Variants in HSPB9 observed in about 807,000 individuals in gnomAD.
HSPB9 encodes heat shock protein beta-9.
For missense variants in HSPB9, 203 were observed against 213.4 expected, an observed-to-expected ratio of 0.95 and a Z score of 0.30; for synonymous variants, 98 against 92.7, an observed-to-expected ratio of 1.06 and a Z score of -0.33.
Position 42,122,939 on chromosome 17 carries a change from C to G in HSPB9, c.89C>G (p.Ala30Gly), listed in dbSNP as rs782681293. 6.2e-7 allele frequency: 1 copy of G among 1,614,036 alleles called. No individual in the cohort carries two copies. The highest frequency in any genetic ancestry group is 8.5e-7 in the Non-Finnish European group (1 of 1,180,036). ...SVGLAERNRV[A>G]TMPVRLLRDS... ...GGCCTTGCTGAACGGAACCGGGTGG[C>G]CACAATGCCGGTGCGGCTGCTCAGG... Residue 30 changes from alanine (A) to glycine (G), a missense_variant, in exon 1 of 1, where the codon GCC (alanine) becomes GGC (glycine). By Grantham distance (60) the Ala-to-Gly change is moderately conservative (BLOSUM62 0). Coordinates refer to ENST00000565659, the MANE Select transcript of HSPB9 (RefSeq NM_033194.3).
Position 42,123,150 on chromosome 17 carries a change from G to C in HSPB9, c.300G>C (p.Lys100Asn), listed in dbSNP as rs61746680. The change falls in exon 1 of 1, where the codon AAG becomes AAC. Residue 100 changes from lysine to asparagine, a missense_variant. By Grantham distance (94) the Lys-to-Asn change is moderately conservative. Coordinates refer to ENST00000565659, the MANE Select transcript of HSPB9 (RefSeq NM_033194.3). ...PERVSYRMSQ[K>N]VHRKMLPSNL... ...GGGTCAGTTACCGCATGTCACAGAAGGTGCACCGGAAAATGCTCCCGTCCA... is the reference window on the plus strand; with the variant it reads ...GGGTCAGTTACCGCATGTCACAGAACGTGCACCGGAAAATGCTCCCGTCCA... The C allele has an allele frequency of 2.2e-3, 3,538 of 1,614,168 alleles. 74 individuals carry two copies. In the African/African-American group the frequency reaches 0.042, roughly 19 times the overall value.
In HSPB9 at chr17:42,123,171, G is replaced by A. The variant is rs1555667982; in HGVS notation, c.321G>A (p.Pro107=). 5 of 1,613,968 alleles carry A rather than the reference G, an allele frequency of 3.1e-6. No homozygotes were observed. Among genetic ancestry groups the A allele is most frequent in the South Asian group, 1.1e-5 (1 of 91,088 alleles). The change falls in exon 1 of 1, where the codon CCG becomes CCA. Residue 107 remains proline, a synonymous_variant. Transcript: ENST00000565659. ...MSQKVHRKML[P]SNLSPTAMTC... ...AGAAGGTGCACCGGAAAATGCTCCC[G>A]TCCAACCTGAGTCCTACCGCCATGA...
Position 42,123,312 on chromosome 17 carries a change from T to A in HSPB9, c.462T>A (p.Ala154=). 1 of 1,606,352 alleles carries A rather than the reference T, an allele frequency of 6.2e-7. No homozygotes were observed. Among genetic ancestry groups the A allele is most frequent in the East Asian group, 2.2e-5 (1 of 44,754 alleles). Residue 154 remains alanine, a synonymous_variant, in exon 1 of 1, where the codon GCT becomes GCA. Coordinates refer to ENST00000565659, the MANE Select transcript of HSPB9 (RefSeq NM_033194.3). ...GACTCGGGAGCCTCGGCTCTAAGGC[T>A]TCCAACCTGACCCGGTAAACAAACG... ...SPRLGSLGSK[A]SNLTR
At chr17:42,123,108 C>CG in the HSPB9 span, 1 of 1,614,178 alleles carries the variant, frequency 6.2e-7, no homozygotes, top group East Asian at 2.2e-5. Context: ...AGCAACTGGA[C>CG]GTCAGGGACC....
Position 42,123,057 on chromosome 17 carries a change from G to A in HSPB9, c.207G>A (p.Val69=), listed in dbSNP as rs782608913. 2 of 1,614,232 alleles carry A rather than the reference G, an allele frequency of 1.2e-6. No individual in the cohort carries two copies. The highest frequency in any genetic ancestry group is 1.7e-5 in the Admixed American group (1 of 60,034). The change falls in exon 1 of 1, where the codon GTG becomes GTA. Residue 69 remains valine (V), a synonymous_variant. Coordinates refer to ENST00000565659, the MANE Select transcript of HSPB9 (RefSeq NM_033194.3). ...DAHGFAPEEL[V]VQVDGQWLMV... ...ACGGCTTCGCCCCGGAGGAACTGGT[G>A]GTGCAGGTGGATGGCCAATGGCTGA...
rs1555667810 is a variant in HSPB9, at chr17:42,122,838, G to A, written c.-13G>A. The A allele has an allele frequency of 6.3e-7, 1 of 1,599,630 alleles. No individual in the cohort carries two copies. The highest frequency in any genetic ancestry group is 1.3e-5 in the African/African-American group (1 of 74,728). On this transcript the variant is annotated 5_prime_UTR_variant, in exon 1 of 1. Coordinates refer to ENST00000565659, the MANE Select transcript of HSPB9 (RefSeq NM_033194.3). ...GCCTCGCGCCCTTTGACAGCAGTTA[G>A]TTGCTGACTCGGATGCAGAGAGTCG...
Position 42,123,137 on chromosome 17 carries a change from G to A in HSPB9, c.287G>A (p.Arg96His), listed in dbSNP as rs782734950. Residue 96 changes from arginine (R) to histidine (H), a missense_variant, in exon 1 of 1, where the codon CGC becomes CAC. Coordinates refer to ENST00000565659, the MANE Select transcript of HSPB9 (RefSeq NM_033194.3). ...AGGGACCCGGAAAGGGTCAGTTACC[G>A]CATGTCACAGAAGGTGCACCGGAAA... ...DVRDPERVSYRMSQKVHRKML... is the reference protein window; with the variant it reads ...DVRDPERVSYHMSQKVHRKML... 81 of 1,614,066 alleles carry A rather than the reference G, an allele frequency of 5.0e-5. No homozygotes were observed. The highest frequency in any genetic ancestry group is 6.5e-5 in the Non-Finnish European group (77 of 1,180,048).
In HSPB9 at chr17:42,122,841, G is replaced by A. The variant is rs1555667814; in HGVS notation, c.-10G>A. On this transcript the variant is annotated 5_prime_UTR_variant, in exon 1 of 1. Transcript: ENST00000565659. ...TCGCGCCCTTTGACAGCAGTTAGTT[G>A]CTGACTCGGATGCAGAGAGTCGGTA... The A allele has an allele frequency of 6.2e-7, 1 of 1,600,312 alleles. No homozygotes were observed. The highest frequency in any genetic ancestry group is 8.5e-7 in the Non-Finnish European group (1 of 1,171,018).
Position 42,123,240 on chromosome 17 carries a change from G to A in HSPB9, c.390G>A (p.Gln130=). 6.2e-7 allele frequency: 1 copy of A among 1,613,446 alleles called. No homozygotes were observed. Among genetic ancestry groups the A allele is most frequent in the Non-Finnish European group, 8.5e-7 (1 of 1,180,030 alleles). Residue 130 remains glutamine, a synonymous_variant, in exon 1 of 1, where the codon CAG becomes CAA. Transcript: ENST00000565659. The part of the protein sequence containing the change: ...TPSGQLWVRG[Q]CVALALPEAQ... ...CCGGGCAGCTGTGGGTCAGAGGCCAGTGTGTGGCGCTGGCCCTCCCTGAAG... is the reference window on the plus strand; with the variant it reads ...CCGGGCAGCTGTGGGTCAGAGGCCAATGTGTGGCGCTGGCCCTCCCTGAAG...
In HSPB9 at chr17:42,123,285, G is replaced by A. The variant is rs782188340; in HGVS notation, c.435G>A (p.Pro145=). 5 of 1,610,802 alleles carry A rather than the reference G, an allele frequency of 3.1e-6. No individual in the cohort carries two copies. The African/African-American group carries it at 6.7e-5, about 22-fold the overall frequency. ...ALPEAQTGPS[P]RLGSLGSKAS... is the part of the protein sequence containing the mutation. ...CTGAAGCCCAAACAGGACCGTCCCC[G>A]AGACTCGGGAGCCTCGGCTCTAAGG... The change falls in exon 1 of 1, where the codon CCG becomes CCA. Residue 145 remains proline, a synonymous_variant. Coordinates refer to ENST00000565659, the MANE Select transcript of HSPB9 (RefSeq NM_033194.3).
chr17:42,122,864 G>A lies in HSPB9; in HGVS notation c.14G>A (p.Gly5Asp), dbSNP rs782359778. MQRV[G>D]NTFSNESRVA... ...TTGCTGACTCGGATGCAGAGAGTCG[G>A]TAACACCTTCTCCAACGAGAGCCGG... Residue 5 changes from glycine (G) to aspartate (D), a missense_variant, in exon 1 of 1, where the codon GGT (glycine) becomes GAT (aspartate). By Grantham distance (94) the Gly-to-Asp change is moderately conservative. Transcript: ENST00000565659. 7 of 1,610,292 alleles carry A rather than the reference G, an allele frequency of 4.3e-6. No homozygotes were observed. Among genetic ancestry groups the A allele is most frequent in the Non-Finnish European group, 5.9e-6 (7 of 1,177,542 alleles).
Position 42,123,130 on chromosome 17 carries a change from A to T in HSPB9, c.280A>T (p.Ser94Cys). The change falls in exon 1 of 1, where the codon AGT (serine) becomes TGT (cysteine). Residue 94 changes from serine (S) to cysteine (C), a missense_variant. Coordinates refer to ENST00000565659, the MANE Select transcript of HSPB9 (RefSeq NM_033194.3). ...GGACGTCAGGGACCCGGAAAGGGTC[A>T]GTTACCGCATGTCACAGAAGGTGCA... ...QLDVRDPERV[S>C]YRMSQKVHRK... 2 of 1,614,226 alleles carry T rather than the reference A, an allele frequency of 1.2e-6. No individual in the cohort carries two copies. The highest frequency in any genetic ancestry group is 1.7e-6 in the Non-Finnish European group (2 of 1,180,036).
Position 42,122,953 on chromosome 17 carries a change from C to T in HSPB9, c.103C>T (p.Arg35Trp), listed in dbSNP as rs782210981. The T allele has an allele frequency of 1.2e-6, 2 of 1,613,884 alleles. No individual in the cohort carries two copies. The highest frequency in any genetic ancestry group is 1.7e-6 in the Non-Finnish European group (2 of 1,180,056). ...GAACCGGGTGGCCACAATGCCGGTGCGGCTGCTCAGGGACAGTCCAGCGGC... is the reference window on the plus strand; with the variant it reads ...GAACCGGGTGGCCACAATGCCGGTGTGGCTGCTCAGGGACAGTCCAGCGGC... ...ERNRVATMPV[R>W]LLRDSPAAQE... Residue 35 changes from arginine (R) to tryptophan (W), a missense_variant, in exon 1 of 1, where the codon CGG (arginine) becomes TGG (tryptophan). By Grantham distance (101) the Arg-to-Trp change is moderately radical. Coordinates refer to ENST00000565659, the MANE Select transcript of HSPB9 (RefSeq NM_033194.3).
Position 42,123,080 on chromosome 17 carries a change from T to C in HSPB9, c.230T>C (p.Leu77Pro), listed in dbSNP as rs1555667930. The C allele has an allele frequency of 6.2e-7, 1 of 1,614,178 alleles. No homozygotes were observed. Among genetic ancestry groups the C allele is most frequent in the South Asian group, 1.1e-5 (1 of 91,086 alleles). The change falls in exon 1 of 1, where the codon CTG becomes CCG. Residue 77 changes from leucine (L) to proline (P), a missense_variant. Transcript: ENST00000565659. ...ELVVQVDGQWLMVTGQQQLDV... is the reference protein window; with the variant it reads ...ELVVQVDGQWPMVTGQQQLDV... ...GTGGTGCAGGTGGATGGCCAATGGC[T>C]GATGGTGACCGGACAGCAGCAACTG...
Position 42,123,064 on chromosome 17 carries a change from G to A in HSPB9, c.214G>A (p.Val72Met), listed in dbSNP as rs1183490128. Residue 72 changes from valine (V) to methionine (M), a missense_variant, in exon 1 of 1, where the codon GTG becomes ATG. Physicochemically the swap from Val to Met is conservative, Grantham distance 21 (BLOSUM62 1). Transcript: ENST00000565659. ...CGCCCCGGAGGAACTGGTGGTGCAG[G>A]TGGATGGCCAATGGCTGATGGTGAC... ...GFAPEELVVQ[V>M]DGQWLMVTGQ... 7 of 1,614,260 alleles carry A rather than the reference G, an allele frequency of 4.3e-6. No individual in the cohort carries two copies. The highest frequency in any genetic ancestry group is 2.2e-5 in the East Asian group (1 of 44,882).
In HSPB9 at chr17:42,123,341, C is replaced by T. The variant is rs782202251; in HGVS notation, c.*11C>T. ...AACCTGACCCGGTAAACAAACGACG[C>T]GATGTGCAGCAGCCTTGGTGTCCGT... is the stretch of plus-strand genomic sequence containing the variant. On this transcript the variant is annotated 3_prime_UTR_variant, in exon 1 of 1. Coordinates refer to ENST00000565659, the MANE Select transcript of HSPB9 (RefSeq NM_033194.3). 1.0e-5 allele frequency: 16 copies of T among 1,595,210 alleles called. No individual in the cohort carries two copies. In the Middle Eastern group the frequency reaches 5.0e-4, roughly 49 times the overall value.
chr17:42,122,982 G>A lies in HSPB9; in HGVS notation c.132G>A (p.Gln44=). The part of the protein sequence containing the change: ...VRLLRDSPAA[Q]EDNDHARDGF... Reference sequence around the variant, plus strand: ...TGCTCAGGGACAGTCCAGCGGCTCAGGAGGACAATGACCATGCCAGAGACG... The same window carrying A: ...TGCTCAGGGACAGTCCAGCGGCTCAAGAGGACAATGACCATGCCAGAGACG... The change falls in exon 1 of 1, where the codon CAG becomes CAA. Residue 44 remains glutamine (Q), a synonymous_variant. Transcript: ENST00000565659. The A allele has an allele frequency of 6.2e-7, 1 of 1,614,180 alleles. No homozygotes were observed. The highest frequency in any genetic ancestry group is 1.1e-5 in the South Asian group (1 of 91,090).
Position 42,123,274 on chromosome 17 carries a change from GGACCGTCCCCGA to G in HSPB9, c.428_439del (p.Pro143_Arg146del), listed in dbSNP as rs1555668029. The G allele has an allele frequency of 1.2e-6, 2 of 1,612,100 alleles. No homozygotes were observed. Among genetic ancestry groups the G allele is most frequent in the Admixed American group, 1.7e-5 (1 of 60,030 alleles). On this transcript the variant is annotated inframe_deletion, in exon 1 of 1. Coordinates refer to ENST00000565659, the MANE Select transcript of HSPB9 (RefSeq NM_033194.3). ...GCTGGCCCTCCCTGAAGCCCAAACA[GGACCGTCCCCGA>G]GACTCGGGAGCCTCGGCTCTAAGGC...
In HSPB9 at chr17:42,123,074, A is replaced by C. The variant is rs782391882; in HGVS notation, c.224A>C (p.Gln75Pro). The C allele has an allele frequency of 1.1e-4, 171 of 1,614,110 alleles. 1 individual carries two copies. The highest frequency in any genetic ancestry group is 9.9e-4 in the Middle Eastern group (6 of 6,084). The change falls in exon 1 of 1, where the codon CAA becomes CCA. Residue 75 changes from glutamine to proline, a missense_variant. Coordinates refer to ENST00000565659, the MANE Select transcript of HSPB9 (RefSeq NM_033194.3). Reference protein sequence around the residue: ...PEELVVQVDGQWLMVTGQQQL... With the variant: ...PEELVVQVDGPWLMVTGQQQL... Reference sequence around the variant, plus strand: ...GAACTGGTGGTGCAGGTGGATGGCCAATGGCTGATGGTGACCGGACAGCAG... The same window carrying C: ...GAACTGGTGGTGCAGGTGGATGGCCCATGGCTGATGGTGACCGGACAGCAG...
Sources: allele counts gnomAD v4.1 joint callset, GRCh38; gene constraint gnomAD v4.1.1; transcripts MANE v1.5; gene names NCBI Gene and HGNC (gene_info 2026-07-23, HGNC 2026-07-21).